The following KCNT2 variants were observed in gnomAD, a reference collection of about 807,000 sequenced individuals.
The protein encoded by KCNT2 is potassium channel subfamily T member 2.
A neutral mutation model predicts 153.8 loss-of-function variants in KCNT2; 67 were observed. The observed-to-expected ratio is 0.44, with a 90% CI of 0.36 to 0.53. The LOEUF (loss-of-function observed/expected upper bound fraction) is 0.53, where lower values mean the gene tolerates loss of function less well. Ranked by LOEUF, KCNT2 falls within the 20% of genes least tolerant of loss-of-function variation. The pLI, the probability that KCNT2 is intolerant of heterozygous loss-of-function variation, is 0.00. For missense variants in KCNT2, 975 were observed against 1,354.8 expected (o/e 0.72, Z 4.40); for synonymous variants, 500 against 458.8 (o/e 1.09, Z -1.15).
chr1:196,366,843 A>T (rs1479860975), intron 14 of KCNT2, among the ~76,000 whole-genome samples: 4 of 152,178 alleles, frequency 2.6e-5, no homozygotes, highest in Non-Finnish European at 5.9e-5. Flanking sequence ...CACACAGTGA[A>T]TATTCAATAA....
At chr1:196,281,208 G>T (rs1342283684) in intron 24 of KCNT2, among the ~76,000 whole-genome samples, 3 of 152,040 alleles carry the variant, frequency 2.0e-5, no homozygotes, top group Non-Finnish European at 2.9e-5. Flanking sequence ...TTAGTATTTG[G>T]AAATCTCCAA....
At chr1:196,361,580 C>T (rs955158373) in intron 14 of KCNT2, among the ~76,000 whole-genome samples, 1 of 151,926 alleles carries the variant, frequency 6.6e-6, no homozygotes, top group African/African-American at 2.4e-5. Context: ...ACACTGTCTA[C>T]CTGAGAAGTT....
chr1:196,491,408 C>G (rs1277674924), intron 2 of KCNT2, among the ~76,000 whole-genome samples: 1 of 151,968 alleles, frequency 6.6e-6, no homozygotes, highest in Non-Finnish European at 1.5e-5. Context: ...TCAAGCTTCT[C>G]TCTTTGAATC....
intron 22 of KCNT2, among the ~76,000 whole-genome samples, chr1:196,299,390 CA>C (rs1660973868): frequency 6.6e-6 from 1 of 151,336 alleles, no homozygotes; most frequent in East Asian, 1.9e-4. Flanking sequence ...AGTGGGCAAA[CA>C]ATAAAAGAAA....
chr1:196,375,891 G>A (rs982404255), intron 13 of KCNT2, among the ~76,000 whole-genome samples: 2 of 151,710 alleles, frequency 1.3e-5, no homozygotes, highest in Non-Finnish European at 3.0e-5. Context: ...TTCTAAGAAT[G>A]GAAAATACAA....
intron 16 of KCNT2, among the ~76,000 whole-genome samples, chr1:196,339,721 G>A (rs888046399): frequency 6.6e-6 from 1 of 152,092 alleles, no homozygotes; most frequent in Admixed American, 6.6e-5. Context: ...CCTTGTGACA[G>A]ATACTAAATG....
intron 13 of KCNT2, among the ~76,000 whole-genome samples, chr1:196,375,864 TA>T (rs1404471857): frequency 6.6e-6 from 1 of 151,844 alleles, no homozygotes; most frequent in Non-Finnish European, 1.5e-5. Flanking sequence ...CTCTTTTCAT[TA>T]AGAAAGCTAT....
At chr1:196,483,430 C>T (rs954245871) in intron 3 of KCNT2, among the ~76,000 whole-genome samples, 3 of 152,136 alleles carry the variant, frequency 2.0e-5, no homozygotes, top group African/African-American at 4.8e-5. Context: ...TTCTCCAAGT[C>T]GCAAATACAC....
At chr1:196,543,969 T>A (rs1432674463) in intron 1 of KCNT2, among the ~76,000 whole-genome samples, 2 of 152,132 alleles carry the variant, frequency 1.3e-5, no homozygotes, top group African/African-American at 4.8e-5. Context: ...TTGTAATAGC[T>A]CAAAACTGGA....
At chr1:196,297,599 C>G (rs1660793862) in intron 22 of KCNT2, among the ~76,000 whole-genome samples, 1 of 152,108 alleles carries the variant, frequency 6.6e-6, no homozygotes, top group African/African-American at 2.4e-5. Context: ...ATAGATTGAA[C>G]AATGTTTTTC....
Position 196,596,233 on chromosome 1 carries a change from T to C in KCNT2, c.95+11982A>G, listed in dbSNP as rs557925033. Among the ~76,000 whole-genome samples the C allele has an allele frequency of 9.2e-5, 14 of 152,106 alleles. No homozygotes were observed. The South Asian group carries it at 2.7e-3, about 29-fold the overall frequency. On this transcript the variant is annotated intron_variant, in intron 1 of 27. Transcript: ENST00000294725. ...CACACACATAGTGACTTCTTTTCCT[T>C]TGAGTAGGTACCCAGTATGGGATTG...
intron 13 of KCNT2, among the ~76,000 whole-genome samples, chr1:196,384,753 C>G (rs1341177440): frequency 2.0e-5 from 3 of 149,006 alleles, no homozygotes; most frequent in South Asian, 4.3e-4. Flanking sequence ...TTTTGGCAAC[C>G]ATTACTCTGG....
chr1:196,316,054 A>C, intron 20 of KCNT2, 28 bp from the exon 21 acceptor site: 1 of 1,600,506 alleles, frequency 6.2e-7, no homozygotes, highest in Non-Finnish European at 8.5e-7. Context: ...AGAGAAAAAC[A>C]AACATTAAAT....
intron 25 of KCNT2, among the ~76,000 whole-genome samples, chr1:196,280,445 C>G (rs959121506): frequency 6.6e-6 from 1 of 152,202 alleles, no homozygotes; most frequent in African/African-American, 2.4e-5. Flanking sequence ...ACTAAATTAT[C>G]TTTGCTTTGC....
At chr1:196,412,220 A>T (rs80107677) in intron 12 of KCNT2, among the ~76,000 whole-genome samples, 1,918 of 151,804 alleles carry the variant, frequency 0.013, 24 homozygotes, top group Non-Finnish European at 0.019. Flanking sequence ...TTTCACTAAC[A>T]TTGTACACAT....
chr1:196,569,362 T>C (rs1660498123), intron 1 of KCNT2, among the ~76,000 whole-genome samples: 1 of 152,196 alleles, frequency 6.6e-6, no homozygotes, highest in Non-Finnish European at 1.5e-5. Context: ...TATTTGGCAG[T>C]GTCTGTTCCT....
At chr1:196,236,677 T>C (rs1654472080) in intron 26 of KCNT2, among the ~76,000 whole-genome samples, 1 of 151,696 alleles carries the variant, frequency 6.6e-6, no homozygotes, top group East Asian at 1.9e-4. Flanking sequence ...GAATCATTTG[T>C]TTTTCCTAAA....
chr1:196,307,031 A>G (rs1033340267), intron 21 of KCNT2, among the ~76,000 whole-genome samples: 1 of 151,992 alleles, frequency 6.6e-6, no homozygotes, highest in Non-Finnish European at 1.5e-5. Context: ...TAATATCAGG[A>G]AAACAACAAC....
At chr1:196,517,861 G>A (rs926678029) in intron 1 of KCNT2, among the ~76,000 whole-genome samples, 1 of 152,174 alleles carries the variant, frequency 6.6e-6, no homozygotes, top group African/African-American at 2.4e-5. Context: ...TACTGTCCAT[G>A]AAAAGTTTCC....
Sources: gnomAD v4.1 joint callset for allele counts (sites outside exome capture counted in the v4.1 genomes callset) on GRCh38, gnomAD v4.1.1 for gene constraint, MANE v1.5 for transcripts, NCBI Gene and HGNC (gene_info 2026-07-23, HGNC 2026-07-21) for gene names.